Variants in DCHS2 observed in about 807,000 individuals in gnomAD.
DCHS2 encodes protocadherin-23.
A neutral mutation model predicts 182.4 loss-of-function variants in DCHS2; 142 were observed. The ratio of observed to expected loss-of-function variants is 0.78; its 90% CI spans 0.68 to 0.89. The LOEUF (loss-of-function observed/expected upper bound fraction) is 0.89, where lower values mean the gene tolerates loss of function less well. Ranked by LOEUF, DCHS2 falls within the 40% of genes least tolerant of loss-of-function variation. DCHS2 has a pLI of 0.00. For synonymous variants in DCHS2, 1,740 were observed against 1,663.3 expected (o/e 1.05, Z -1.12); for missense variants, 4,319 against 4,198.6 (o/e 1.03, Z -0.79).
At chr4:154,265,589 G>C (rs1237999181) in intron 14 of DCHS2, among the ~76,000 whole-genome samples, 1 of 152,014 alleles carries the variant, frequency 6.6e-6, no homozygotes, top group Non-Finnish European at 1.5e-5. Flanking sequence ...GGCCAGCCTG[G>C]GCAACAAAGT....
chr4:154,273,321 T>G (rs948387649), intron 13 of DCHS2, among the ~76,000 whole-genome samples: 1 of 152,100 alleles, frequency 6.6e-6, no homozygotes, highest in South Asian at 2.1e-4. Context: ...CTGGATGGAA[T>G]TGGAGACTAT....
chr4:154,240,458 A>G (rs1731756601), intron 18 of DCHS2, 79 bp downstream of exon 18: 3 of 1,502,878 alleles, frequency 2.0e-6, no homozygotes, highest in Admixed American at 2.0e-5. Context: ...GAATTAGTCT[A>G]TCGGCGATGG....
Position 154,333,166 on chromosome 4 carries a change from G to A in DCHS2, c.3042C>T (p.Ile1014=), listed in dbSNP as rs774530576. The change falls in exon 5 of 20, where the codon ATC becomes ATT. Residue 1014 remains isoleucine, a synonymous_variant. Coordinates refer to ENST00000357232, the MANE Select transcript of DCHS2 (RefSeq NM_001358235.2). ...EDRDSGRNGL[I]RYSIASPQPG... is the part of the protein sequence containing the mutation. ...GCTGCGGGCTGGCGATGGAGTACCGGATGAGTCCGTTCCGCCCACTGTCTC... is the reference window on the plus strand; with the variant it reads ...GCTGCGGGCTGGCGATGGAGTACCGAATGAGTCCGTTCCGCCCACTGTCTC... 20 of 1,614,214 alleles carry A rather than the reference G, an allele frequency of 1.2e-5. No individual in the cohort carries two copies. The highest frequency in any genetic ancestry group is 1.6e-5 in the Non-Finnish European group (19 of 1,180,034).
chr4:154,398,719 C>T (rs113842424), intron 1 of DCHS2, among the ~76,000 whole-genome samples: 63 of 152,296 alleles, frequency 4.1e-4, no homozygotes, highest in African/African-American at 1.4e-3. Flanking sequence ...AGGACCTTCT[C>T]CCCCAAACTT....
rs1299950715 is a variant in DCHS2 at position 154,490,157 on chromosome 4, G to A, written c.1199C>T (p.Ser400Phe). 9 of 1,549,002 alleles carry A rather than the reference G, an allele frequency of 5.8e-6. No individual in the cohort carries two copies. Among genetic ancestry groups the A allele is most frequent in the Non-Finnish European group, 7.9e-6 (9 of 1,146,280 alleles). The change falls in exon 1 of 20, where the codon TCC (serine) becomes TTC (phenylalanine). Residue 400 changes from serine to phenylalanine, a missense_variant. Physicochemically the swap from Ser to Phe is radical, Grantham distance 155 (BLOSUM62 -2). Transcript: ENST00000357232. ...GTCATTCACGTCCAGCACGGCGATG[G>A]ACACGCGCACCGTGGCAACCTCAGG... The part of the protein sequence containing the change: ...AEPEVATVRV[S>F]IAVLDVNDNR...
At chr4:154,410,352 C>T in intron 1 of DCHS2, among the ~76,000 whole-genome samples, 1 of 149,278 alleles carries the variant, frequency 6.7e-6, no homozygotes, top group East Asian at 2.0e-4. Context: ...AATCTTGAAG[C>T]TGAAACATTC....
At chr4:154,483,625 GA>G (rs1560784920) in intron 1 of DCHS2, among the ~76,000 whole-genome samples, 2 of 152,170 alleles carry the variant, frequency 1.3e-5, no homozygotes, top group Non-Finnish European at 2.9e-5. Context: ...GAAACAGGCA[GA>G]TTCAAATAAC....
chr4:154,464,356 G>T (rs1367063470), intron 1 of DCHS2, among the ~76,000 whole-genome samples: 1 of 152,078 alleles, frequency 6.6e-6, no homozygotes, highest in Non-Finnish European at 1.5e-5. Flanking sequence ...CCTGATTAAA[G>T]AATAATTTGA....
chr4:154,390,032 G>T (rs1731614874), intron 1 of DCHS2, among the ~76,000 whole-genome samples: 1 of 151,964 alleles, frequency 6.6e-6, no homozygotes, highest in Non-Finnish European at 1.5e-5. Context: ...TAGATTACTT[G>T]CTTTTGAGTT....
intron 7 of DCHS2, chr4:154,323,149 C>T (rs1736142172): frequency 4.0e-6 from 6 of 1,492,704 alleles, no homozygotes; most frequent in Admixed American, 2.1e-5. Flanking sequence ...TCTAGATTTG[C>T]TGTTGCATCT....
chr4:154,412,613 G>A (rs1026957269), intron 1 of DCHS2, among the ~76,000 whole-genome samples: 2 of 151,922 alleles, frequency 1.3e-5, no homozygotes, highest in Admixed American at 6.6e-5. Flanking sequence ...TTCAGCAAAC[G>A]AGCACTTTTG....
chr4:154,295,659 G>C (rs1178132122), intron 13 of DCHS2, among the ~76,000 whole-genome samples: 1 of 152,106 alleles, frequency 6.6e-6, no homozygotes, highest in African/African-American at 2.4e-5. Context: ...CATAGATTTG[G>C]GACAGAAAGA....
chr4:154,428,532 CT>C (rs1733427348), intron 1 of DCHS2, among the ~76,000 whole-genome samples: 1 of 151,954 alleles, frequency 6.6e-6, no homozygotes, highest in Non-Finnish European at 1.5e-5. Context: ...AAGTGAGACC[CT>C]GTCTAATAAA....
In DCHS2 at chr4:154,452,621, C is replaced by T. The variant is rs116159573; in HGVS notation, c.2052+36683G>A. The stretch of plus-strand genomic sequence containing the variant: ...CCTGGGCAACAAGGCAAGACTCCAT[C>T]GCAAAAACAAACAAACAAACAAAAA... On this transcript the variant is annotated intron_variant, in intron 1 of 19. Transcript: ENST00000357232. Among the ~76,000 whole-genome samples the T allele has an allele frequency of 6.7e-3, 1,013 of 150,396 alleles. 6 individuals carry two copies. The highest frequency in any genetic ancestry group is 0.012 in the African/African-American group (481 of 41,208).
intron 13 of DCHS2, among the ~76,000 whole-genome samples, chr4:154,293,276 T>C (rs1734749769): frequency 6.6e-6 from 1 of 151,966 alleles, no homozygotes; most frequent in African/African-American, 2.4e-5. Context: ...GATCTTGGCT[T>C]ACCGCAACCT....
At chr4:154,432,731 A>G (rs543815827) in intron 1 of DCHS2, among the ~76,000 whole-genome samples, 1 of 152,244 alleles carries the variant, frequency 6.6e-6, no homozygotes, top group East Asian at 1.9e-4. Flanking sequence ...CTTCTCCACT[A>G]GGATCTGTGC....
chr4:154,416,867 A>G (rs1233893307), intron 1 of DCHS2, among the ~76,000 whole-genome samples: 1 of 152,108 alleles, frequency 6.6e-6, no homozygotes, highest in Non-Finnish European at 1.5e-5. Flanking sequence ...ATTTCCAGTC[A>G]GCGTGGCTCA....
intron 1 of DCHS2, chr4:154,391,013 C>A: frequency 1.6e-6 from 1 of 627,378 alleles, no homozygotes; most frequent in Non-Finnish European, 2.6e-6. Flanking sequence ...CAAACAAATT[C>A]ATGAGAGGAT....
At chr4:154,277,389 T>G (rs1488076263) in intron 13 of DCHS2, among the ~76,000 whole-genome samples, 2 of 152,048 alleles carry the variant, frequency 1.3e-5, no homozygotes, top group Admixed American at 6.6e-5. Flanking sequence ...CCAGAGAATG[T>G]GAAGTACTGC....
Sources: gnomAD v4.1 joint callset for allele counts (sites outside exome capture counted in the v4.1 genomes callset) on GRCh38, gnomAD v4.1.1 for gene constraint, MANE v1.5 for transcripts, NCBI Gene and HGNC (gene_info 2026-07-23, HGNC 2026-07-21) for gene names.